The following ITSN1 variants were observed in gnomAD, a reference collection of about 807,000 sequenced individuals.
ITSN1 encodes the protein intersectin-1.
Under a neutral mutation model 239.8 loss-of-function variants are expected in ITSN1, and 58 were observed. The ratio of observed to expected loss-of-function variants is 0.24; its 90% confidence interval spans 0.20 to 0.30. The LOEUF is 0.30. ITSN1 is among the 10% of genes least tolerant of loss of function. ITSN1 has a pLI of 1.00. For missense variants in ITSN1, 1,558 were observed against 2,103.3 expected (o/e 0.74, Z 5.07); for synonymous variants, 780 against 770.8 (o/e 1.01, Z -0.20).
Position 33,797,631 on chromosome 21 carries a change from A to G in ITSN1, c.2182+23A>G. ...CAGGTATTAGAAGCCAAAAATAATT[A>G]TAGAAAATAAGTCATCTTCTCTCCC... is the stretch of plus-strand genomic sequence containing the variant. On this transcript the variant is annotated intron_variant, in intron 18 of 39. Coordinates refer to ENST00000381318, the MANE Select transcript of ITSN1 (RefSeq NM_003024.3). The surrounding 1 kb of genome is among the most constrained non-coding windows in gnomAD (Gnocchi z 4.9). 1.3e-6 allele frequency: 2 copies of G among 1,596,380 alleles called. No homozygotes were observed. The highest frequency in any genetic ancestry group is 2.2e-5 in the East Asian group (1 of 44,768).
At chr21:33,793,719 T>A (rs1892589) in intron 16 of ITSN1, among the ~76,000 whole-genome samples, 20,280 of 152,220 alleles carry the variant, frequency 0.13, 1,741 homozygotes, top group East Asian at 0.28. Context: ...TTAACCTGAT[T>A]GCTGGTTTAG....
chr21:33,819,253 T>A lies in ITSN1; in HGVS notation c.2946T>A (p.Gly982=). The A allele has an allele frequency of 6.2e-7, 1 of 1,612,824 alleles. No individual in the cohort carries two copies. Among genetic ancestry groups the A allele is most frequent in the Non-Finnish European group, 8.5e-7 (1 of 1,179,174 alleles). Residue 982 remains glycine (G), a synonymous_variant, in exon 24 of 40, where the codon GGT becomes GGA. Coordinates refer to ENST00000381318, the MANE Select transcript of ITSN1 (RefSeq NM_003024.3). ...TCCATTATTGCAGCATGGATTCTGG[T>A]TCTTCAGAGAGTCCTGCTAGTCTAA... is the stretch of plus-strand genomic sequence containing the variant. The part of the protein sequence containing the change: ...PIRKSTSMDS[G]SSESPASLKR...
intron 1 of ITSN1, among the ~76,000 whole-genome samples, chr21:33,644,752 C>T (rs1444288762): frequency 6.6e-6 from 1 of 151,866 alleles, no homozygotes; most frequent in African/African-American, 2.4e-5. Context: ...TATCTTTTCC[C>T]CAAGTGCCTA....
intron 25 of ITSN1, among the ~76,000 whole-genome samples, chr21:33,825,784 A>G (rs1276337702): frequency 6.6e-6 from 1 of 152,166 alleles, no homozygotes; most frequent in Non-Finnish European, 1.5e-5. Flanking sequence ...CTTTTGTATA[A>G]CTTTGTTCGT....
intron 7 of ITSN1, among the ~76,000 whole-genome samples, chr21:33,752,978 A>G (rs572653035): frequency 3.2e-4 from 48 of 152,336 alleles, no homozygotes; most frequent in African/African-American, 1.2e-3. Flanking sequence ...AATGATTTAA[A>G]GAAAATCCAT....
intron 33 of ITSN1, 32 bp downstream of exon 33, chr21:33,867,363 G>A: frequency 8.1e-7 from 1 of 1,241,424 alleles, no homozygotes; most frequent in African/African-American, 1.5e-5. Flanking sequence ...TCAAGCAGGG[G>A]ACGGCTTTCT....
At chr21:33,805,065 C>T (rs1038521178) in intron 20 of ITSN1, among the ~76,000 whole-genome samples, 1 of 152,174 alleles carries the variant, frequency 6.6e-6, no homozygotes, top group Non-Finnish European at 1.5e-5. Context: ...CAGGGCTCAT[C>T]CCCAGAGATT....
At chr21:33,870,252 T>C (rs558178990) in intron 33 of ITSN1, among the ~76,000 whole-genome samples, 4 of 152,326 alleles carry the variant, frequency 2.6e-5, no homozygotes. Context: ...GCTCAGTACT[T>C]CTCTTTTTTC....
chr21:33,711,989 TA>T (rs887973953), intron 1 of ITSN1, among the ~76,000 whole-genome samples: 5 of 152,224 alleles, frequency 3.3e-5, no homozygotes, highest in African/African-American at 1.2e-4. Flanking sequence ...CTTTCATTCT[TA>T]AAGATCTCAG....
chr21:33,835,574 G>A (rs553489450), intron 28 of ITSN1, among the ~76,000 whole-genome samples: 6 of 152,298 alleles, frequency 3.9e-5, no homozygotes, highest in Non-Finnish European at 7.3e-5. Context: ...TCTTGAGGGT[G>A]GAGATTTCTT....
chr21:33,776,480 A>G (rs916266609), intron 14 of ITSN1, among the ~76,000 whole-genome samples: 1 of 150,418 alleles, frequency 6.6e-6, no homozygotes, highest in African/African-American at 2.4e-5. Context: ...AGCCCACGAT[A>G]TCGAGGCTGC....
chr21:33,849,986 C>A (rs956702126), intron 29 of ITSN1, among the ~76,000 whole-genome samples: 3 of 152,128 alleles, frequency 2.0e-5, no homozygotes, highest in Non-Finnish European at 4.4e-5. Context: ...ATAGAAGGGG[C>A]CTGGAATGAG....
At position 33,753,894 on chromosome 21, in the gene ITSN1, G is replaced by C. The variant is rs554164408; in HGVS notation, c.624-1403G>C. ...ACATTAGAATGAACTATCAGTATTAGTGAACATTAGTGCTATTGAAACAAC... is the reference window on the plus strand; with the variant it reads ...ACATTAGAATGAACTATCAGTATTACTGAACATTAGTGCTATTGAAACAAC... On this transcript the variant is annotated intron_variant, in intron 7 of 39. Transcript: ENST00000381318. Among the ~76,000 whole-genome samples the C allele has an allele frequency of 6.6e-5, 10 of 151,208 alleles. No homozygotes were observed. The South Asian group carries it at 2.1e-3, about 32-fold the overall frequency.
Position 33,721,072 on chromosome 21 carries a change from T to C in ITSN1, c.29-106T>C, listed in dbSNP as rs146607378. The C allele has an allele frequency of 2.5e-4, 184 of 722,952 alleles. 1 individual carries two copies. The highest frequency in any genetic ancestry group is 2.5e-3 in the African/African-American group (144 of 56,724). 44.8% of individuals were successfully genotyped at this position (722,952 alleles called of 1,614,324 possible). On this transcript the variant is annotated intron_variant, in intron 2 of 39. Transcript: ENST00000381318. ...AGAAGATGTGAATTTATCAAGTCTT[T>C]ATAATACATTGACAGAATCTTGAAG...
In ITSN1 at chr21:33,764,596, C is replaced by G. The variant is rs562428058; in HGVS notation, c.789-1279C>G. The stretch of plus-strand genomic sequence containing the variant: ...TGACACTATTCTGTATGTTGTGGTT[C>G]ATGTTTGTCAAAACTCTCAGACCTA... On this transcript the variant is annotated intron_variant, in intron 9 of 39. Coordinates refer to ENST00000381318, the MANE Select transcript of ITSN1 (RefSeq NM_003024.3). Among the ~76,000 whole-genome samples the G allele has an allele frequency of 5.3e-5, 8 of 152,250 alleles. No individual in the cohort carries two copies. In the South Asian group the frequency reaches 1.7e-3, roughly 32 times the overall value.
intron 33 of ITSN1, among the ~76,000 whole-genome samples, chr21:33,873,706 C>T (rs9980745): frequency 0.38 from 57,026 of 151,256 alleles, 11,297 homozygotes; most frequent in East Asian, 0.51. Context: ...CCCCCGTCTC[C>T]ACTAAAAATA....
intron 24 of ITSN1, 95 bp from the exon 25 acceptor site, chr21:33,823,392 T>TG: frequency 1.8e-6 from 2 of 1,117,232 alleles, no homozygotes; most frequent in East Asian, 2.4e-5. Context: ...GATCTTGTCC[T>TG]AACTTCCTTA....
At chr21:33,737,252 CGTTAA>C (rs2066558776) in intron 5 of ITSN1, among the ~76,000 whole-genome samples, 1 of 152,180 alleles carries the variant, frequency 6.6e-6, no homozygotes. Context: ...GTTTTACAGT[CGTTAA>C]GTAACCTGCT....
intron 1 of ITSN1, among the ~76,000 whole-genome samples, chr21:33,683,947 G>A (rs914687427): frequency 9.9e-5 from 15 of 152,110 alleles, no homozygotes; most frequent in Non-Finnish European, 2.9e-5. Flanking sequence ...TATTGGAGCC[G>A]ATGCCCCTAA....
Sources: gnomAD v4.1 joint callset for allele counts (sites outside exome capture counted in the v4.1 genomes callset) on GRCh38, gnomAD v4.1.1 for gene constraint, Gnocchi (gnomAD v3.1) non-coding constraint, MANE v1.5 for transcripts, NCBI Gene and HGNC (gene_info 2026-07-23, HGNC 2026-07-21) for gene names.